PPP6R3: variants seen among roughly 807,000 people sequenced by gnomAD.
The protein encoded by PPP6R3 is protein phosphatase 6 regulatory subunit 3.
PPP6R3 carries 38 observed loss-of-function variants against 110.7 expected under a neutral mutation model. The observed-to-expected ratio is 0.34, with a 90% CI of 0.26 to 0.45. The LOEUF is 0.45. PPP6R3 is among the 20% of genes least tolerant of loss of function. The probability of loss-of-function intolerance (pLI) is 1.00; values close to 1 mark genes in which losing one functional copy is unlikely to be tolerated. For missense variants in PPP6R3, 870 were observed against 1,062.4 expected, an observed-to-expected ratio of 0.82 and a Z score of 2.52; for synonymous variants, 369 against 373.5, an observed-to-expected ratio of 0.99 and a Z score of 0.14.
intron 1 of PPP6R3, among the ~76,000 whole-genome samples, chr11:68,475,139 A>G (rs1264698948): frequency 6.6e-6 from 1 of 152,194 alleles, no homozygotes; most frequent in East Asian, 1.9e-4. Flanking sequence ...GCTGCCTTCA[A>G]GTATCTGTTT....
intron 14 of PPP6R3, among the ~76,000 whole-genome samples, chr11:68,581,856 T>C (rs575760919): frequency 5.4e-4 from 82 of 152,328 alleles, no homozygotes; most frequent in African/African-American, 1.9e-3. Flanking sequence ...TCTATACCTT[T>C]GAGAGGATGG....
At chr11:68,524,560 G>A (rs1264120945) in intron 2 of PPP6R3, among the ~76,000 whole-genome samples, 2 of 152,070 alleles carry the variant, frequency 1.3e-5, no homozygotes, top group Non-Finnish European at 2.9e-5. Flanking sequence ...ACTTTCTATT[G>A]GACTTATAAT....
At chr11:68,567,896 C>CGTA (rs1017681153) in intron 10 of PPP6R3, among the ~76,000 whole-genome samples, 1 of 152,116 alleles carries the variant, frequency 6.6e-6, no homozygotes, top group Non-Finnish European at 1.5e-5. Context: ...CTTATGTACA[C>CGTA]TATTCATGTG....
rs112294273 is a variant in PPP6R3, at chr11:68,587,157, TC to T, written c.1633-768del. The T allele has an allele frequency of 3.1e-3, 459 of 148,444 alleles. 7 individuals carry two copies. Among genetic ancestry groups the T allele is most frequent in the African/African-American group, 0.011 (438 of 39,616 alleles). 9.2% of individuals were successfully genotyped at this position (148,444 alleles called of 1,614,324 possible). ...GTTTTAAATTAGAATATCAACATTT[TC>T]CTGGGGTCCATTATAACACCCCCCC... On this transcript the variant is annotated intron_variant, in intron 15 of 23. Transcript: ENST00000393800.
At chr11:68,506,978 G>A (rs952566501) in intron 1 of PPP6R3, among the ~76,000 whole-genome samples, 1 of 152,122 alleles carries the variant, frequency 6.6e-6, no homozygotes, top group Admixed American at 6.6e-5. Context: ...GTTACAACAG[G>A]CAGAGGTAGT....
At chr11:68,585,560 G>A (rs1278196535) in intron 15 of PPP6R3, among the ~76,000 whole-genome samples, 1 of 152,106 alleles carries the variant, frequency 6.6e-6, no homozygotes, top group Non-Finnish European at 1.5e-5. Flanking sequence ...AGAGTTCAAA[G>A]CACTTTTTAT....
chr11:68,522,174 C>G lies in PPP6R3; in HGVS notation c.-7+2523C>G, dbSNP rs547185364. ...TTTCTAATTATAGTTTAGGCGATAG[C>G]TCCTTACTTGCACAACTGAATGGAT... is the stretch of plus-strand genomic sequence containing the variant. On this transcript the variant is annotated intron_variant, in intron 2 of 23. Transcript: ENST00000393800. Among the ~76,000 whole-genome samples, 4 of 152,350 alleles carry G rather than the reference C, an allele frequency of 2.6e-5. No homozygotes were observed. The South Asian group carries it at 8.3e-4, about 32-fold the overall frequency.
At chr11:68,560,043 T>C (rs1056539867) in intron 8 of PPP6R3, among the ~76,000 whole-genome samples, 6 of 152,058 alleles carry the variant, frequency 3.9e-5, no homozygotes, top group African/African-American at 1.4e-4. Context: ...CATTGCATTA[T>C]GGAATGCTGT....
chr11:68,559,005 T>C (rs2153725010), intron 8 of PPP6R3, among the ~76,000 whole-genome samples: 1 of 152,380 alleles, frequency 6.6e-6, no homozygotes, highest in African/African-American at 2.4e-5. Flanking sequence ...GAAGCTTATT[T>C]CTTGCTCATG....
chr11:68,591,819 T>C (rs1028814113), intron 18 of PPP6R3, 113 bp downstream of exon 18: 58 of 1,180,868 alleles, frequency 4.9e-5, no homozygotes, highest in Non-Finnish European at 5.7e-5. Flanking sequence ...GAAACCAGTG[T>C]TTTTTTTTGT....
At chr11:68,559,269 G>A (rs2099410203) in intron 8 of PPP6R3, among the ~76,000 whole-genome samples, 1 of 152,198 alleles carries the variant, frequency 6.6e-6, no homozygotes, top group South Asian at 2.1e-4. Flanking sequence ...CACATGTGTG[G>A]CCTTCGCCCC....
intron 8 of PPP6R3, among the ~76,000 whole-genome samples, 159 bp downstream of exon 8, chr11:68,558,838 C>G (rs989771761): frequency 5.9e-5 from 9 of 152,090 alleles, no homozygotes; most frequent in African/African-American, 1.7e-4. Context: ...ATATGAATAC[C>G]ACATATTGGG....
At chr11:68,512,564 G>A (rs1396507180) in intron 1 of PPP6R3, among the ~76,000 whole-genome samples, 1 of 152,168 alleles carries the variant, frequency 6.6e-6, no homozygotes, top group African/African-American at 2.4e-5. Flanking sequence ...CACGTTAGAC[G>A]GAACTATTAC....
intron 1 of PPP6R3, among the ~76,000 whole-genome samples, chr11:68,503,541 G>C (rs892501070): frequency 1.3e-5 from 2 of 152,186 alleles, no homozygotes; most frequent in Non-Finnish European, 2.9e-5. Context: ...TGTGACATCA[G>C]AGAAGCCAGG....
intron 2 of PPP6R3, among the ~76,000 whole-genome samples, chr11:68,520,501 C>T (rs1053085755): frequency 3.9e-5 from 6 of 152,162 alleles, no homozygotes; most frequent in African/African-American, 1.4e-4. Context: ...TTCTAACTGG[C>T]AGGTGGATGT....
At position 68,615,262 on chromosome 11, in the gene PPP6R3, C is replaced by CT. The variant is rs1392356728; in HGVS notation, c.*2146dup. ...GTGTTGGCCATACTGAATTATGAGA[C>CT]TAACAGATGTCTACAATACAATACC... is the stretch of plus-strand genomic sequence containing the variant. On this transcript the variant is annotated 3_prime_UTR_variant, in exon 24 of 24. Coordinates refer to ENST00000393800, the MANE Select transcript of PPP6R3 (RefSeq NM_001164161.2). The CT allele has an allele frequency of 6.9e-5, 25 of 364,036 alleles. No individual in the cohort carries two copies. Among genetic ancestry groups the CT allele is most frequent in the African/African-American group, 5.1e-4 (24 of 46,932 alleles). The allele number at this position is 364,036 out of a possible 1,614,324, so 22.6% of individuals were successfully genotyped here. A position where few individuals can be genotyped will look rare whatever the true frequency, so the allele number is the denominator to read the frequency against.
Position 68,569,798 on chromosome 11 carries a change from A to T in PPP6R3, c.1179A>T (p.Glu393Asp). The T allele has an allele frequency of 6.2e-7, 1 of 1,607,624 alleles. No individual in the cohort carries two copies. The change falls in exon 11 of 24, where the codon GAA (glutamate) becomes GAT (aspartate). Residue 393 changes from glutamate to aspartate, a missense_variant. Physicochemically the swap from Glu to Asp is conservative, Grantham distance 45 (BLOSUM62 2). Coordinates refer to ENST00000393800, the MANE Select transcript of PPP6R3 (RefSeq NM_001164161.2). ...ATAACTTTTTGCATACACAAGTGGA[A>T]ATTTGTATTGCACTGATTCTTGCAA... The part of the protein sequence containing the change: ...TWNNFLHTQV[E>D]ICIALILASP...
intron 6 of PPP6R3, among the ~76,000 whole-genome samples, chr11:68,553,056 C>G (rs1018163033): frequency 2.0e-5 from 3 of 152,156 alleles, no homozygotes; most frequent in Non-Finnish European, 2.9e-5. Flanking sequence ...GCTCCTGATT[C>G]CAGTCAGTGG....
At chr11:68,523,145 G>T (rs1368058602) in intron 2 of PPP6R3, among the ~76,000 whole-genome samples, 4 of 152,098 alleles carry the variant, frequency 2.6e-5, no homozygotes, top group Admixed American at 1.3e-4. Flanking sequence ...GTATATTTTG[G>T]TTAATTATTC....
Sources: allele counts gnomAD v4.1 joint callset (sites outside exome capture counted in the v4.1 genomes callset), GRCh38; gene constraint gnomAD v4.1.1; transcripts MANE v1.5; gene names NCBI Gene and HGNC (gene_info 2026-07-23, HGNC 2026-07-21).